ZCCHC24: variants seen among roughly 807,000 people sequenced by gnomAD.
The protein encoded by ZCCHC24 is zinc finger CCHC domain-containing protein 24.
In ZCCHC24, 10 loss-of-function variants were observed where a neutral mutation model predicts 26.2. The ratio of observed to expected loss-of-function variants is 0.38; its 90% CI spans 0.24 to 0.65. The LOEUF is 0.65. ZCCHC24 is among the 30% of genes least tolerant of loss of function. The pLI, the probability that ZCCHC24 is intolerant of heterozygous loss-of-function variation, is 0.54. For missense variants in ZCCHC24, 243 were observed against 329.1 expected (o/e 0.74, Z 2.03); for synonymous variants, 144 against 147.1 (o/e 0.98, Z 0.15).
At chr10:79,411,464 T>C (rs967144350) in intron 2 of ZCCHC24, among the ~76,000 whole-genome samples, 2 of 151,938 alleles carry the variant, frequency 1.3e-5, no homozygotes, top group Non-Finnish European at 2.9e-5. Context: ...TTCAGAGCCA[T>C]GAAGGAGGAC....
At chr10:79,405,719 T>C (rs1856702785) in intron 2 of ZCCHC24, among the ~76,000 whole-genome samples, 1 of 152,192 alleles carries the variant, frequency 6.6e-6, no homozygotes, top group South Asian at 2.1e-4. Context: ...GGAGTGAGGC[T>C]TTGGGTGTGA....
At chr10:79,416,162 G>A (rs958520778) in intron 2 of ZCCHC24, among the ~76,000 whole-genome samples, 2 of 152,034 alleles carry the variant, frequency 1.3e-5, no homozygotes, top group Non-Finnish European at 2.9e-5. Flanking sequence ...CTTGGCTTTC[G>A]TCATTTCCAG....
At chr10:79,414,329 A>G (rs1335212169) in intron 2 of ZCCHC24, among the ~76,000 whole-genome samples, 2 of 152,268 alleles carry the variant, frequency 1.3e-5, no homozygotes, top group Non-Finnish European at 2.9e-5. Context: ...CATTTTAGAG[A>G]AGAATAATAA....
intron 2 of ZCCHC24, among the ~76,000 whole-genome samples, chr10:79,421,881 G>A (rs1589672224): frequency 6.6e-6 from 1 of 151,980 alleles, no homozygotes; most frequent in Admixed American, 6.6e-5. Context: ...TGCTCACCTC[G>A]TCCTCCCAAA....
At chr10:79,438,432 C>A (rs1333708875) in intron 1 of ZCCHC24, among the ~76,000 whole-genome samples, 1 of 152,182 alleles carries the variant, frequency 6.6e-6, no homozygotes, top group Non-Finnish European at 1.5e-5. Context: ...GTGGGCAAGG[C>A]GGGAAGCGAG....
intron 1 of ZCCHC24, among the ~76,000 whole-genome samples, chr10:79,433,672 T>A (rs1212378199): frequency 6.6e-6 from 1 of 152,224 alleles, no homozygotes; most frequent in East Asian, 1.9e-4. Context: ...AAGTATCTCC[T>A]GGCCCCAGCA....
chr10:79,423,581 C>A (rs11002973), intron 2 of ZCCHC24, among the ~76,000 whole-genome samples: 14 of 53,760 alleles, frequency 2.6e-4, no homozygotes, highest in African/African-American at 1.0e-3. Context: ...AATATATATA[C>A]TATATATATA....
At chr10:79,424,246 A>T (rs1856996680) in intron 2 of ZCCHC24, among the ~76,000 whole-genome samples, 1 of 152,228 alleles carries the variant, frequency 6.6e-6, no homozygotes, top group Non-Finnish European at 1.5e-5. Context: ...GCTCCTAGAC[A>T]GAGGGAGCCT....
chr10:79,441,682 G>A (rs1245230288), intron 1 of ZCCHC24, among the ~76,000 whole-genome samples: 1 of 151,564 alleles, frequency 6.6e-6, no homozygotes, highest in Non-Finnish European at 1.5e-5. Context: ...GTGTTTCCAA[G>A]GGAAAGGAAG....
At position 79,384,748 on chromosome 10, in the gene ZCCHC24, C is replaced by T. The variant is rs1189337492; in HGVS notation, c.*1597G>A. 1 of 152,630 alleles carries T rather than the reference C, an allele frequency of 6.6e-6. No homozygotes were observed. Among genetic ancestry groups the T allele is most frequent in the Non-Finnish European group, 1.5e-5 (1 of 68,038 alleles). The allele number at this position is 152,630 out of a possible 1,614,324, so 9.5% of individuals were successfully genotyped here. On this transcript the variant is annotated 3_prime_UTR_variant, in exon 4 of 4. Coordinates refer to ENST00000372336, the MANE Select transcript of ZCCHC24 (RefSeq NM_153367.4). ...AGCATTTTCATTTGAATACAAAAGG[C>T]AACTGGACACCAGATGGGCATCCTT...
At chr10:79,409,985 G>A (rs1160244057) in intron 2 of ZCCHC24, among the ~76,000 whole-genome samples, 1 of 152,168 alleles carries the variant, frequency 6.6e-6, no homozygotes, top group African/African-American at 2.4e-5. Context: ...CTGTGCCTCC[G>A]CCCCTCCCCT....
At chr10:79,441,079 A>ACACAC (rs1857286164) in intron 1 of ZCCHC24, among the ~76,000 whole-genome samples, 1 of 135,580 alleles carries the variant, frequency 7.4e-6, no homozygotes, top group Non-Finnish European at 1.6e-5. Context: ...CTGCCCCCTA[A>ACACAC]ACACACACAC....
chr10:79,392,566 C>T lies in ZCCHC24; in HGVS notation c.612+1710G>A, dbSNP rs1282502837. ...TGTCTTCTAGATCATTCTCACCAGA[C>T]TGCACTGGGCTCCAAGCTCTACTAT... On this transcript the variant is annotated intron_variant, in intron 3 of 3. Coordinates refer to ENST00000372336, the MANE Select transcript of ZCCHC24 (RefSeq NM_153367.4). Among the ~76,000 whole-genome samples, 14 of 152,236 alleles carry T rather than the reference C, an allele frequency of 9.2e-5. 1 individual carries two copies. The highest frequency in any genetic ancestry group is 6.5e-4 in the Admixed American group (10 of 15,286).
chr10:79,444,944 G>A (rs1857342355), intron 1 of ZCCHC24, among the ~76,000 whole-genome samples: 1 of 152,190 alleles, frequency 6.6e-6, no homozygotes, highest in Non-Finnish European at 1.5e-5. Flanking sequence ...GCAGGGAGAG[G>A]GGGCGGGAGA....
rs1453827452 is a variant in ZCCHC24 at position 79,385,994 on chromosome 10, C to T, written c.*351G>A. 3 of 453,378 alleles carry T rather than the reference C, an allele frequency of 6.6e-6. No individual in the cohort carries two copies. The highest frequency in any genetic ancestry group is 3.1e-5 in the East Asian group (1 of 32,146). The allele number at this position is 453,378 out of a possible 1,614,324, so 28.1% of individuals were successfully genotyped here. A position where few individuals can be genotyped will look rare whatever the true frequency, so the allele number is the denominator to read the frequency against. ...CACAGTCAATTTAGTGCACCTGTGG[C>T]CAATACAAGGCTGCTCACCCCAAAG... On this transcript the variant is annotated 3_prime_UTR_variant, in exon 4 of 4. Transcript: ENST00000372336. The surrounding 1 kb of genome is among the most constrained non-coding windows in gnomAD (Gnocchi z 4.3).
chr10:79,411,326 A>AAC lies in ZCCHC24; in HGVS notation c.448-16888_448-16887dup, dbSNP rs1281034878. 1.1e-4 allele frequency among the ~76,000 whole-genome samples: 16 copies of AAC among 152,214 alleles called. No individual in the cohort carries two copies. In the East Asian group the frequency reaches 2.9e-3, roughly 28 times the overall value. ...GCATCCTGGCATGGTGCTATAATTAAACACACACACACTCCCCTGCAGGTG... is the reference window on the plus strand; with the variant it reads ...GCATCCTGGCATGGTGCTATAATTAAACACACACACACACTCCCCTGCAGGTG... On this transcript the variant is annotated intron_variant, in intron 2 of 3. Coordinates refer to ENST00000372336, the MANE Select transcript of ZCCHC24 (RefSeq NM_153367.4).
At chr10:79,440,442 G>A (rs1439776421) in intron 1 of ZCCHC24, among the ~76,000 whole-genome samples, 1 of 152,176 alleles carries the variant, frequency 6.6e-6, no homozygotes, top group Non-Finnish European at 1.5e-5. Context: ...GAGGACCAGG[G>A]ACAAAATGTC....
intron 1 of ZCCHC24, among the ~76,000 whole-genome samples, chr10:79,438,527 C>G (rs1246519816): frequency 2.0e-5 from 3 of 152,192 alleles, no homozygotes; most frequent in Non-Finnish European, 2.9e-5. Context: ...AGGTCTAAAG[C>G]TGACCCATGG....
intron 3 of ZCCHC24, among the ~76,000 whole-genome samples, chr10:79,390,518 C>T (rs1319376126): frequency 6.6e-6 from 1 of 152,232 alleles, no homozygotes; most frequent in African/African-American, 2.4e-5. Context: ...CTCCTGGGCT[C>T]ATCTGAGCTG....
Sources: gnomAD v4.1 joint callset for allele counts (sites outside exome capture counted in the v4.1 genomes callset) on GRCh38, gnomAD v4.1.1 for gene constraint, Gnocchi (gnomAD v3.1) non-coding constraint, MANE v1.5 for transcripts, NCBI Gene and HGNC (gene_info 2026-07-23, HGNC 2026-07-21) for gene names.